The following CPQ variants were observed in gnomAD, a reference collection of about 807,000 sequenced individuals.
CPQ encodes the protein carboxypeptidase Q, also known as Ser-Met dipeptidase.
A neutral mutation model predicts 45.7 loss-of-function variants in CPQ; 37 were observed. The observed-to-expected ratio is 0.81, with a 90% CI of 0.62 to 1.07. The LOEUF (loss-of-function observed/expected upper bound fraction) is 1.07, where lower values mean the gene tolerates loss of function less well. Among genes scored for constraint, CPQ ranks in the 50% least tolerant of loss-of-function variants. CPQ has a pLI of 0.00. For missense variants in CPQ, 537 were observed against 572.9 expected, an observed-to-expected ratio of 0.94 and a Z score of 0.64; for synonymous variants, 186 against 205.8, an observed-to-expected ratio of 0.90 and a Z score of 0.82.
chr8:97,099,746 C>T (rs191964565), intron 7 of CPQ, among the ~76,000 whole-genome samples: 7 of 152,242 alleles, frequency 4.6e-5, no homozygotes, highest in East Asian at 3.9e-4. Context: ...CATGTCTCTG[C>T]GAAATGGATA....
intron 4 of CPQ, among the ~76,000 whole-genome samples, chr8:96,925,874 G>C (rs1352034990): frequency 6.7e-6 from 1 of 149,910 alleles, no homozygotes; most frequent in Non-Finnish European, 1.5e-5. Flanking sequence ...TATTTTAGTA[G>C]AGATGGGGTT....
intron 1 of CPQ, among the ~76,000 whole-genome samples, chr8:96,693,093 G>A (rs1276125117): frequency 6.6e-6 from 1 of 151,994 alleles, no homozygotes; most frequent in Non-Finnish European, 1.5e-5. Context: ...AGATCAAGCA[G>A]AAGAAAGAAT....
chr8:96,970,784 C>T (rs907339416), intron 5 of CPQ, among the ~76,000 whole-genome samples: 7 of 152,058 alleles, frequency 4.6e-5, no homozygotes, highest in African/African-American at 1.4e-4. Flanking sequence ...AGGATGGTCT[C>T]TATCTCCTGA....
chr8:96,800,132 G>A (rs1381800549), intron 2 of CPQ, among the ~76,000 whole-genome samples: 1 of 152,138 alleles, frequency 6.6e-6, no homozygotes, highest in African/African-American at 2.4e-5. Flanking sequence ...ATAAATATGT[G>A]GGCCTAGAGA....
rs149465604 is a variant in CPQ, at chr8:96,944,406, A to G, written c.850-21529A>G. On this transcript the variant is annotated intron_variant, in intron 4 of 7. Transcript: ENST00000220763. ...CCCCTGCTTCTGTCGTCTCGTTAGTATATCCTGATATAATAAAAGTTTGAA... is the reference window on the plus strand; with the variant it reads ...CCCCTGCTTCTGTCGTCTCGTTAGTGTATCCTGATATAATAAAAGTTTGAA... 2.5e-3 allele frequency among the ~76,000 whole-genome samples: 381 copies of G among 152,222 alleles called. 1 individual carries two copies. The highest frequency in any genetic ancestry group is 8.8e-3 in the African/African-American group (366 of 41,546).
chr8:96,687,175 TTTCTCTTCTC>T (rs199945706), intron 1 of CPQ, among the ~76,000 whole-genome samples: 3 of 151,702 alleles, frequency 2.0e-5, no homozygotes, highest in South Asian at 4.2e-4. Flanking sequence ...TTTTCTTTTC[TTTCTCTTCTC>T]TTCTCTTCTC....
At chr8:96,898,954 A>G (rs918030530) in intron 4 of CPQ, among the ~76,000 whole-genome samples, 7 of 152,062 alleles carry the variant, frequency 4.6e-5, no homozygotes, top group Non-Finnish European at 1.0e-4. Context: ...GCTCCAGCAT[A>G]TTAATAAATG....
At chr8:96,926,570 CTCTTCCTCT>C (rs1344543975) in intron 4 of CPQ, among the ~76,000 whole-genome samples, 2,640 of 45,970 alleles carry the variant, frequency 0.057, 38 homozygotes, top group Admixed American at 0.14. Context: ...CTTCCTCTTC[CTCTTCCTCT>C]TCTTCTTCTT....
chr8:97,115,929 A>G (rs1316449068), intron 7 of CPQ, among the ~76,000 whole-genome samples: 1 of 152,252 alleles, frequency 6.6e-6, no homozygotes, highest in African/African-American at 2.4e-5. Flanking sequence ...AACAAGGAAT[A>G]AGTTGCAAAA....
At chr8:97,130,221 T>C (rs1811924621) in intron 7 of CPQ, among the ~76,000 whole-genome samples, 1 of 152,142 alleles carries the variant, frequency 6.6e-6, no homozygotes, top group Admixed American at 6.5e-5. Context: ...TTCTAAAGGC[T>C]TTAGAGAAAA....
chr8:96,679,407 G>A (rs1163421227), intron 1 of CPQ, among the ~76,000 whole-genome samples: 1 of 152,046 alleles, frequency 6.6e-6, no homozygotes, highest in Non-Finnish European at 1.5e-5. Flanking sequence ...TCCTTGTCTT[G>A]TTTTGATTTC....
At chr8:96,838,098 T>C (rs1811554986) in intron 3 of CPQ, among the ~76,000 whole-genome samples, 1 of 152,198 alleles carries the variant, frequency 6.6e-6, no homozygotes, top group Non-Finnish European at 1.5e-5. Context: ...CCCTCCCTGA[T>C]ATCCACTTGT....
At chr8:96,740,982 G>T (rs1810079933) in intron 1 of CPQ, among the ~76,000 whole-genome samples, 1 of 152,144 alleles carries the variant, frequency 6.6e-6, no homozygotes, top group African/African-American at 2.4e-5. Context: ...GATGATGCTG[G>T]CCTCATAAAA....
chr8:96,925,768 C>A (rs1812866357), intron 4 of CPQ, among the ~76,000 whole-genome samples: 1 of 151,318 alleles, frequency 6.6e-6, no homozygotes, highest in Admixed American at 6.6e-5. Context: ...CAGCTCACTG[C>A]AACCTCTGCT....
intron 4 of CPQ, among the ~76,000 whole-genome samples, chr8:96,945,219 G>A (rs1387497753): frequency 6.6e-6 from 1 of 152,182 alleles, no homozygotes; most frequent in African/African-American, 2.4e-5. Flanking sequence ...TTCAGCCAGG[G>A]TCAGTGGGGC....
intron 4 of CPQ, among the ~76,000 whole-genome samples, chr8:96,926,510 C>A (rs1246087068): frequency 6.6e-6 from 1 of 152,086 alleles, no homozygotes; most frequent in Non-Finnish European, 1.5e-5. Context: ...GGAGGATTTG[C>A]AAGCCAGTCC....
At chr8:96,726,183 C>A (rs1002779103) in intron 1 of CPQ, among the ~76,000 whole-genome samples, 6 of 151,996 alleles carry the variant, frequency 3.9e-5, no homozygotes, top group Non-Finnish European at 7.4e-5. Context: ...ACCCCAAACC[C>A]ATGTAACAAA....
intron 6 of CPQ, among the ~76,000 whole-genome samples, chr8:97,044,654 G>C (rs1810200195): frequency 1.3e-5 from 2 of 152,156 alleles, no homozygotes; most frequent in African/African-American, 2.4e-5. Context: ...ATGTACAGAT[G>C]GGTTTTTGGT....
chr8:96,774,270 C>CA (rs764110279), intron 1 of CPQ, among the ~76,000 whole-genome samples: 1,093 of 108,442 alleles, frequency 0.01, 8 homozygotes, highest in African/African-American at 0.029. Flanking sequence ...GACTCAGTCT[C>CA]AAAAAAAAAA....
Sources: gnomAD v4.1 joint callset for allele counts (sites outside exome capture counted in the v4.1 genomes callset) on GRCh38, gnomAD v4.1.1 for gene constraint, MANE v1.5 for transcripts, NCBI Gene and HGNC (gene_info 2026-07-23, HGNC 2026-07-21) for gene names.